EFNA5: variants seen among roughly 807,000 people sequenced by gnomAD.
The protein encoded by EFNA5 is ephrin-A5.
EFNA5 carries 5 observed loss-of-function variants against 22.9 expected under a neutral mutation model. The ratio of observed to expected loss-of-function variants is 0.22; its 90% CI spans 0.11 to 0.46. EFNA5 has a LOEUF of 0.46. Among genes scored for constraint, EFNA5 ranks in the 20% least tolerant of loss-of-function variants. EFNA5 has a pLI of 0.99. For missense variants in EFNA5, 237 were observed against 293.3 expected (o/e 0.81, Z 1.40); for synonymous variants, 113 against 112.2 (o/e 1.01, Z -0.04).
rs955639117 is a variant in EFNA5, at chr5:107,625,410, T to TAA, written c.125+45077_125+45078dup. Among the ~76,000 whole-genome samples the TAA allele has an allele frequency of 4.2e-4, 62 of 149,108 alleles. 1 individual carries two copies. Among genetic ancestry groups the TAA allele is most frequent in the African/African-American group, 1.5e-3 (61 of 40,790 alleles). ...ATGTACAAAGCAGAACAAAGAAAAA[T>TAA]AAAAAAAAAATCACCAGCAGGCAGC... On this transcript the variant is annotated intron_variant, in intron 1 of 4. Coordinates refer to ENST00000333274, the MANE Select transcript of EFNA5 (RefSeq NM_001962.3).
intron 1 of EFNA5, among the ~76,000 whole-genome samples, chr5:107,535,830 A>G (rs1311478156): frequency 6.6e-6 from 1 of 152,250 alleles, no homozygotes; most frequent in Admixed American, 6.5e-5. Context: ...TTGATGGAAC[A>G]TCAATACTGT....
At chr5:107,416,423 T>C (rs938067837) in intron 2 of EFNA5, among the ~76,000 whole-genome samples, 2 of 152,202 alleles carry the variant, frequency 1.3e-5, no homozygotes, top group South Asian at 4.1e-4. Flanking sequence ...CAGTACTAAC[T>C]ACATGATCTC....
intron 1 of EFNA5, among the ~76,000 whole-genome samples, chr5:107,576,449 G>A (rs192701744): frequency 1.9e-4 from 29 of 152,130 alleles, no homozygotes; most frequent in African/African-American, 5.3e-4. Context: ...TTAATCTGCC[G>A]TCCTATTCAT....
chr5:107,444,035 G>C (rs1249600115), intron 1 of EFNA5, among the ~76,000 whole-genome samples: 1 of 152,088 alleles, frequency 6.6e-6, no homozygotes, highest in Non-Finnish European at 1.5e-5. Flanking sequence ...CATTATCTAC[G>C]AGGAACGTGG....
At chr5:107,426,628 A>C (rs1477380763) in intron 2 of EFNA5, among the ~76,000 whole-genome samples, 1 of 152,232 alleles carries the variant, frequency 6.6e-6, no homozygotes, top group Non-Finnish European at 1.5e-5. Context: ...AGAGTCACTC[A>C]ATGCTCACAG....
chr5:107,569,575 A>ATT (rs1748748859), intron 1 of EFNA5, among the ~76,000 whole-genome samples: 31 of 24,580 alleles, frequency 1.3e-3, no homozygotes, highest in South Asian at 4.9e-3. Flanking sequence ...ATATATATAT[A>ATT]TATATATATA....
chr5:107,459,299 G>A (rs189796663), intron 1 of EFNA5, among the ~76,000 whole-genome samples: 1 of 150,768 alleles, frequency 6.6e-6, no homozygotes, highest in East Asian at 2.0e-4. Context: ...GTTGCAGTGA[G>A]TTGAGATCAC....
At chr5:107,424,922 A>G (rs1008925010) in intron 2 of EFNA5, among the ~76,000 whole-genome samples, 4 of 152,186 alleles carry the variant, frequency 2.6e-5, no homozygotes, top group Admixed American at 2.0e-4. Flanking sequence ...TGAAAATTCA[A>G]TTTAACTGAA....
chr5:107,380,749 C>A lies in EFNA5; in HGVS notation c.*506G>T. ...CGTATCTATTCTTAATACCTCCCCT[C>A]CGGACCTGACATGGTGACATGATGC... On this transcript the variant is annotated 3_prime_UTR_variant, in exon 5 of 5. Coordinates refer to ENST00000333274, the MANE Select transcript of EFNA5 (RefSeq NM_001962.3). The A allele has an allele frequency of 2.5e-6, 1 of 399,660 alleles. No individual in the cohort carries two copies. Among genetic ancestry groups the A allele is most frequent in the South Asian group, 1.3e-4 (1 of 7,952 alleles). The allele number at this position is 399,660 out of a possible 1,614,324, so 24.8% of individuals were successfully genotyped here. A position where few individuals can be genotyped will look rare whatever the true frequency, so the allele number is the denominator to read the frequency against.
chr5:107,465,479 G>A (rs530948818), intron 1 of EFNA5, among the ~76,000 whole-genome samples: 2 of 152,234 alleles, frequency 1.3e-5, no homozygotes, highest in South Asian at 2.1e-4. Flanking sequence ...CTCCAAAGAC[G>A]CCACGTAAAT....
intron 1 of EFNA5, among the ~76,000 whole-genome samples, chr5:107,609,427 C>G (rs1245277333): frequency 6.6e-6 from 1 of 152,062 alleles, no homozygotes; most frequent in East Asian, 1.9e-4. Flanking sequence ...GTGACTTGGC[C>G]TCCTTTGATC....
chr5:107,471,032 T>C (rs1361843568), intron 1 of EFNA5, among the ~76,000 whole-genome samples: 1 of 152,192 alleles, frequency 6.6e-6, no homozygotes, highest in African/African-American at 2.4e-5. Context: ...AATACTATTG[T>C]CACTCATGCA....
At chr5:107,558,097 AG>A (rs1242904391) in intron 1 of EFNA5, among the ~76,000 whole-genome samples, 9 of 152,186 alleles carry the variant, frequency 5.9e-5, no homozygotes, top group African/African-American at 1.4e-4. Flanking sequence ...AAAGTCTGAG[AG>A]GGGGAGGGGC....
intron 1 of EFNA5, among the ~76,000 whole-genome samples, chr5:107,482,358 CTGTTATT>C (rs1750492611): frequency 6.6e-6 from 1 of 151,648 alleles, no homozygotes; most frequent in African/African-American, 2.4e-5. Context: ...ATATACTTAT[CTGTTATT>C]TAAGACTAAA....
chr5:107,625,893 G>C (rs1750131406), intron 1 of EFNA5, among the ~76,000 whole-genome samples: 1 of 152,068 alleles, frequency 6.6e-6, no homozygotes, highest in Non-Finnish European at 1.5e-5. Context: ...TAGTTAAGTT[G>C]GTTTTCTTAA....
chr5:107,578,615 C>T (rs1372527084), intron 1 of EFNA5, among the ~76,000 whole-genome samples: 1 of 152,136 alleles, frequency 6.6e-6, no homozygotes, highest in African/African-American at 2.4e-5. Context: ...CTACCTCAGA[C>T]TTATCAGGCA....
chr5:107,556,930 C>G (rs1287082494), intron 1 of EFNA5, among the ~76,000 whole-genome samples: 1 of 151,534 alleles, frequency 6.6e-6, no homozygotes. Context: ...TTTTTTTAAT[C>G]TAAATTTTGA....
chr5:107,448,871 A>AAATT (rs776273927), intron 1 of EFNA5, among the ~76,000 whole-genome samples: 1 of 94,742 alleles, frequency 1.1e-5, no homozygotes, highest in Non-Finnish European at 2.5e-5. Context: ...ATAAATAAAT[A>AAATT]AAATAAAATA....
chr5:107,640,578 G>A lies in EFNA5; in HGVS notation c.125+29911C>T, dbSNP rs141611473. Among the ~76,000 whole-genome samples, 104 of 152,270 alleles carry A rather than the reference G, an allele frequency of 6.8e-4. 1 individual carries two copies. In the East Asian group the frequency reaches 0.019, roughly 28 times the overall value. The stretch of plus-strand genomic sequence containing the variant: ...GTTACTTTAATAAGGCCTGAGGGGC[G>A]AATCCTTACTGAAAGTGACCAGTAA... On this transcript the variant is annotated intron_variant, in intron 1 of 4. Coordinates refer to ENST00000333274, the MANE Select transcript of EFNA5 (RefSeq NM_001962.3).
Sources: gnomAD v4.1 joint callset for allele counts (sites outside exome capture counted in the v4.1 genomes callset) on GRCh38, gnomAD v4.1.1 for gene constraint, MANE v1.5 for transcripts, NCBI Gene and HGNC (gene_info 2026-07-23, HGNC 2026-07-21) for gene names.